Variants in AIFM2 observed in about 807,000 individuals in gnomAD.
The protein encoded by AIFM2 is ferroptosis suppressor protein 1.
Under a neutral mutation model 35.7 loss-of-function variants are expected in AIFM2, and 38 were observed. The observed-to-expected ratio is 1.06, with a 90% CI of 0.82 to 1.39. The LOEUF (loss-of-function observed/expected upper bound fraction) is 1.39. AIFM2 is among the 40% of genes most tolerant of loss of function. The probability of loss-of-function intolerance (pLI) is 0.00; values close to 1 mark genes in which losing one functional copy is unlikely to be tolerated. For synonymous variants in AIFM2, 185 were observed against 203.5 expected, an observed-to-expected ratio of 0.91 and a Z score of 0.77; for missense variants, 476 against 491.2, an observed-to-expected ratio of 0.97 and a Z score of 0.29.
chr10:70,115,125 C>A lies in AIFM2; in HGVS notation c.770-5G>T. ...CACTGCTGGCTAGTCTGCTCTCTGC[C>A]AGAAGAAATGACACCGAAACCAAGA... is the stretch of plus-strand genomic sequence containing the variant. On this transcript the variant is annotated splice_polypyrimidine_tract_variant and splice_region_variant and intron_variant, in intron 7 of 8. Transcript: ENST00000307864. The A allele has an allele frequency of 6.2e-7, 1 of 1,613,322 alleles. No individual in the cohort carries two copies.
In AIFM2 at chr10:70,115,041, A is replaced by T; in HGVS notation, c.849T>A (p.Ile283=). ...GCGTCCTCACGTCGGCACAGTCACC[A>T]ATGGCGTAGACGTTGCTGTGGCCCT... The part of the protein sequence containing the change: ...QVEGHSNVYA[I]GDCADVRTPK... Residue 283 remains isoleucine (I), a synonymous_variant, in exon 8 of 9, where the codon ATT becomes ATA. Transcript: ENST00000307864. 6.2e-7 allele frequency: 1 copy of T among 1,614,198 alleles called. No individual in the cohort carries two copies. The highest frequency in any genetic ancestry group is 1.1e-5 in the South Asian group (1 of 91,086).
rs1464199540 is a variant in AIFM2, at chr10:70,112,378, C to G, written c.*1800G>C. ...TGTAAGTCAATAGAAGAAGGCCTGT[C>G]GCTCACACACTGGGATTCCCACCTC... On this transcript the variant is annotated 3_prime_UTR_variant, in exon 9 of 9. Coordinates refer to ENST00000307864, the MANE Select transcript of AIFM2 (RefSeq NM_032797.6). The G allele has an allele frequency of 1.3e-5, 2 of 152,252 alleles. No individual in the cohort carries two copies. Among genetic ancestry groups the G allele is most frequent in the African/African-American group, 2.4e-5 (1 of 41,464 alleles). The allele number at this position is 152,252 out of a possible 1,614,324, so 9.4% of individuals were successfully genotyped here.
At chr10:70,120,994 C>CT in intron 4 of AIFM2, 98 bp downstream of exon 4, 7 of 1,513,556 alleles carry the variant, frequency 4.6e-6, no homozygotes, top group Non-Finnish European at 6.2e-6. Flanking sequence ...GCCAGCAGCT[C>CT]TGAGTAACCC....
chr10:70,121,329 CAA>C (rs1305081552), intron 3 of AIFM2, 118 bp from the exon 4 acceptor site: 2 of 1,393,594 alleles, frequency 1.4e-6, no homozygotes, highest in African/African-American at 1.5e-5. Flanking sequence ...ACAAACCAGG[CAA>C]AGAGGCCCCT....
chr10:70,130,769 C>T (rs1025561133), intron 1 of AIFM2, among the ~76,000 whole-genome samples: 10 of 152,188 alleles, frequency 6.6e-5, no homozygotes, highest in African/African-American at 2.2e-4. Flanking sequence ...TTGAACTGAA[C>T]ACCAAAGCCC....
In AIFM2 at chr10:70,121,274, G is replaced by A. The variant is rs142293692; in HGVS notation, c.295-63C>T. 716 of 1,457,720 alleles carry A rather than the reference G, an allele frequency of 4.9e-4. 4 individuals are homozygous for A. In the African/African-American group the frequency reaches 9.4e-3, roughly 19 times the overall value. The allele number at this position is 1,457,720 out of a possible 1,614,324, so 90.3% of individuals were successfully genotyped here. ...AAAAGATGAGGGTAGGGCAGGGCAGGGCAGGCCTAGGCCTCTGCATCCTAC... is the reference window on the plus strand; with the variant it reads ...AAAAGATGAGGGTAGGGCAGGGCAGAGCAGGCCTAGGCCTCTGCATCCTAC... On this transcript the variant is annotated intron_variant, in intron 3 of 8. Transcript: ENST00000307864.
At chr10:70,120,857 A>C (rs1201519581) in intron 4 of AIFM2, among the ~76,000 whole-genome samples, 1 of 152,232 alleles carries the variant, frequency 6.6e-6, no homozygotes, top group Non-Finnish European at 1.5e-5. Flanking sequence ...CCAGGAGAGG[A>C]AAGTCAGAGA....
Position 70,123,468 on chromosome 10 carries a change from GAAGTTGTCCTTGA to G in AIFM2, c.218_230del (p.Phe73SerfsTer5). On this transcript the variant is annotated frameshift_variant, in exon 3 of 9. Transcript: ENST00000307864. LOFTEE classifies it high-confidence loss of function. ...CTATCCCCACTACTAGCCCCTGCCGGAAGTTGTCCTTGAAAGTCACCGAGTAAGAAATGAATGT... is the reference window on the plus strand; with the variant it reads ...CTATCCCCACTACTAGCCCCTGCCGGAAGTCACCGAGTAAGAAATGAATGT... 6.2e-7 allele frequency: 1 copy of G among 1,614,170 alleles called. No individual in the cohort carries two copies. Among genetic ancestry groups the G allele is most frequent in the East Asian group, 2.2e-5 (1 of 44,886 alleles).
intron 3 of AIFM2, among the ~76,000 whole-genome samples, chr10:70,121,476 G>A (rs1347497429): frequency 6.6e-6 from 1 of 152,188 alleles, no homozygotes; most frequent in East Asian, 1.9e-4. Flanking sequence ...GGGGCAACTG[G>A]AGCCACCCAG....
chr10:70,120,390 C>T, intron 5 of AIFM2, 117 bp downstream of exon 5: 2 of 1,024,784 alleles, frequency 2.0e-6, no homozygotes, highest in South Asian at 1.3e-5. Flanking sequence ...TACACACTCC[C>T]AGTTTATGTG....
In AIFM2 at chr10:70,114,315, G is replaced by C; in HGVS notation, c.985C>G (p.Leu329Val). 1 of 1,613,958 alleles carries C rather than the reference G, an allele frequency of 6.2e-7. No individual in the cohort carries two copies. Among genetic ancestry groups the C allele is most frequent in the Non-Finnish European group, 8.5e-7 (1 of 1,179,996 alleles). ...QAYKPGALTF[L>V]LSMGRNDGVG... ...CCGTCATTTCTCCCCATGGACAGGA[G>C]GAACGTCAGTGCACCTGCAAGCAGA... Residue 329 changes from leucine to valine, a missense_variant, in exon 9 of 9, where the codon CTC becomes GTC. Leu to Val is a conservative substitution (Grantham distance 32). Transcript: ENST00000307864.
rs771381498 is a variant in AIFM2 at position 70,123,531 on chromosome 10, G to A, written c.179-11C>T. 1.2e-6 allele frequency: 2 copies of A among 1,611,612 alleles called. No homozygotes were observed. The highest frequency in any genetic ancestry group is 1.7e-6 in the Non-Finnish European group (2 of 1,177,900). On this transcript the variant is annotated splice_polypyrimidine_tract_variant and intron_variant, in intron 2 of 8. Transcript: ENST00000307864. ...TCTTTTTGGCGAACCCTGGGGAAGG[G>A]ACACAGAAGAGGTCATAGGGCAGAG... is the stretch of plus-strand genomic sequence containing the variant.
chr10:70,123,993 T>C lies in AIFM2; in HGVS notation c.92A>G (p.Gln31Arg), dbSNP rs1349873207. Reference sequence around the variant, plus strand: ...CAGCATGAAGGGGACGTTCAGGGCCTGCAGCTGGCTGGCTGCTGCGATCCC... The same window carrying C: ...CAGCATGAAGGGGACGTTCAGGGCCCGCAGCTGGCTGGCTGCTGCGATCCC... ...FGGIAAASQLQALNVPFMLVD... is the reference protein window; with the variant it reads ...FGGIAAASQLRALNVPFMLVD... Residue 31 changes from glutamine to arginine, a missense_variant, in exon 2 of 9, where the codon CAG (glutamine) becomes CGG (arginine). Coordinates refer to ENST00000307864, the MANE Select transcript of AIFM2 (RefSeq NM_032797.6). 5.0e-6 allele frequency: 8 copies of C among 1,613,062 alleles called. No individual in the cohort carries two copies. Among genetic ancestry groups the C allele is most frequent in the African/African-American group, 2.7e-5 (2 of 74,868 alleles).
chr10:70,117,814 A>G lies in AIFM2; in HGVS notation c.614T>C (p.Leu205Pro). 6.2e-7 allele frequency: 1 copy of G among 1,604,490 alleles called. No homozygotes were observed. The highest frequency in any genetic ancestry group is 1.3e-5 in the African/African-American group (1 of 74,324). Residue 205 changes from leucine to proline, a missense_variant and splice_region_variant, in exon 6 of 9, where the codon CTG becomes CCG. By Grantham distance (98) the Leu-to-Pro change is moderately conservative. Transcript: ENST00000307864. This position sits in a 1 kb window ranked among gnomAD's most constrained non-coding sequence, Gnocchi z 4.7. ...GAGGGAGGTGAGGGTGCACGTACTC[A>G]GCAGCAGCTGCACGCCCTTCCGGAG... ...ILLRKGVQLL[L>P]SERVSNLEEL...
In AIFM2 at chr10:70,117,982, G is replaced by T; in HGVS notation, c.508-62C>A. ...CCCCAAGTCTTCAAACACAATCATT[G>T]CACGAACGTCCACCTCCACTCATAC... On this transcript the variant is annotated intron_variant, in intron 5 of 8. Transcript: ENST00000307864. This position sits in a 1 kb window ranked among gnomAD's most constrained non-coding sequence, Gnocchi z 4.7. 2 of 1,213,100 alleles carry T rather than the reference G, an allele frequency of 1.6e-6. No homozygotes were observed. Among genetic ancestry groups the T allele is most frequent in the Non-Finnish European group, 2.4e-6 (2 of 831,026 alleles). The allele number at this position is 1,213,100 out of a possible 1,614,324, so 75.1% of individuals were successfully genotyped here.
At chr10:70,114,671 T>C (rs1030727491) in intron 8 of AIFM2, 9 of 529,680 alleles carry the variant, frequency 1.7e-5, no homozygotes, top group Admixed American at 3.2e-5. Context: ...ACGGGGTTTC[T>C]CCATGTTGGT....
intron 7 of AIFM2, 90 bp downstream of exon 7, chr10:70,116,532 G>A: frequency 6.6e-7 from 1 of 1,515,288 alleles, no homozygotes; most frequent in Non-Finnish European, 9.1e-7. Flanking sequence ...GCAGCAAGGT[G>A]TGGACTCCTG....
chr10:70,129,059 A>G (rs950838796), intron 1 of AIFM2, among the ~76,000 whole-genome samples: 1 of 151,424 alleles, frequency 6.6e-6, no homozygotes, highest in African/African-American at 2.4e-5. Flanking sequence ...GTCTTGCTCT[A>G]TCACCCAGGC....
intron 1 of AIFM2, among the ~76,000 whole-genome samples, chr10:70,128,647 G>A (rs573952713): frequency 1.2e-4 from 19 of 152,336 alleles, no homozygotes; most frequent in Admixed American, 1.2e-3. Flanking sequence ...ATAGGTGCGA[G>A]CCACTGTGCC....
Sources: allele counts gnomAD v4.1 joint callset (sites outside exome capture counted in the v4.1 genomes callset), GRCh38; gene constraint gnomAD v4.1.1; non-coding constraint Gnocchi (gnomAD v3.1); transcripts MANE v1.5; gene names NCBI Gene and HGNC (gene_info 2026-07-23, HGNC 2026-07-21).